The following ACYP2 variants were observed in gnomAD, a reference collection of about 807,000 sequenced individuals.
ACYP2 encodes acylphosphatase 2.
Under a neutral mutation model 11.2 loss-of-function variants are expected in ACYP2, and 12 were observed. The ratio of observed to expected loss-of-function variants is 1.08; its 90% CI spans 0.69 to 1.74. The LOEUF (loss-of-function observed/expected upper bound fraction) is 1.74. Ranked by LOEUF, ACYP2 falls within the 40% of genes most tolerant of loss-of-function variation. ACYP2 has a pLI of 0.00. For missense variants in ACYP2, 134 were observed against 101.9 expected (o/e 1.31, Z -1.35); for synonymous variants, 43 against 32.2 (o/e 1.33, Z -1.13).
At chr2:54,125,242 T>G (rs1680414560) in intron 4 of ACYP2, among the ~76,000 whole-genome samples, 1 of 151,664 alleles carries the variant, frequency 6.6e-6, no homozygotes, top group Non-Finnish European at 1.5e-5. Context: ...CATTTATTTT[T>G]AAAGTCTTGT....
intron 6 of ACYP2, among the ~76,000 whole-genome samples, chr2:54,252,505 T>C (rs965692686): frequency 2.6e-5 from 4 of 152,202 alleles, no homozygotes; most frequent in African/African-American, 9.7e-5. Context: ...ATAAACAGTA[T>C]ATGGGCCTTT....
intron 4 of ACYP2, among the ~76,000 whole-genome samples, chr2:54,107,349 A>C (rs945144151): frequency 3.9e-5 from 6 of 152,182 alleles, no homozygotes; most frequent in Non-Finnish European, 7.4e-5. Flanking sequence ...ATTTTTCAAC[A>C]GCTCTAAGCT....
At chr2:54,273,952 C>G (rs1329044186) in intron 6 of ACYP2, among the ~76,000 whole-genome samples, 1 of 152,204 alleles carries the variant, frequency 6.6e-6, no homozygotes, top group Non-Finnish European at 1.5e-5. Context: ...GTCTTCTGAG[C>G]TTCTCAAAAA....
In ACYP2 at chr2:54,304,826, C is replaced by T. The variant is rs965171639; in HGVS notation, c.*24C>T. On this transcript the variant is annotated 3_prime_UTR_variant, in exon 7 of 7. Coordinates refer to ENST00000607452, the MANE Select transcript of ACYP2 (RefSeq NM_001320586.2). ...AATAGAAGAGAAAAATTGTAACACA[C>T]TGAACAATAGATACTGTATGTTCTT... 1 of 1,320,528 alleles carries T rather than the reference C, an allele frequency of 7.6e-7. No individual in the cohort carries two copies. Among genetic ancestry groups the T allele is most frequent in the Non-Finnish European group, 1.1e-6 (1 of 921,056 alleles). 81.8% of individuals were successfully genotyped at this position (1,320,528 alleles called of 1,614,324 possible).
chr2:54,126,970 ATTG>A, intron 4 of ACYP2, among the ~76,000 whole-genome samples: 1 of 151,138 alleles, frequency 6.6e-6, no homozygotes, highest in South Asian at 2.1e-4. Flanking sequence ...AAAAAAAAAA[ATTG>A]ACATGCAAAA....
Position 54,227,576 on chromosome 2 carries a change from A to G in ACYP2, c.405-77112A>G, listed in dbSNP as rs184178730. On this transcript the variant is annotated intron_variant, in intron 6 of 6. Coordinates refer to ENST00000607452, the MANE Select transcript of ACYP2 (RefSeq NM_001320586.2). Reference sequence around the variant, plus strand: ...AATCGCTTGAACCTGGAAGGCCGAGACTGCGCCACTGCACTCCACCCTGGC... The same window carrying G: ...AATCGCTTGAACCTGGAAGGCCGAGGCTGCGCCACTGCACTCCACCCTGGC... Among the ~76,000 whole-genome samples, 345 of 151,908 alleles carry G rather than the reference A, an allele frequency of 2.3e-3. 2 individuals are homozygous for G. Among genetic ancestry groups the G allele is most frequent in the African/African-American group, 7.7e-3 (317 of 41,408 alleles).
intron 6 of ACYP2, among the ~76,000 whole-genome samples, chr2:54,198,947 G>A (rs1684635369): frequency 6.6e-6 from 1 of 152,138 alleles, no homozygotes; most frequent in Non-Finnish European, 1.5e-5. Flanking sequence ...TAAAAGATGG[G>A]CAAGGAAAAG....
At chr2:54,285,995 T>C (rs569864560) in intron 6 of ACYP2, among the ~76,000 whole-genome samples, 2 of 152,214 alleles carry the variant, frequency 1.3e-5, no homozygotes, top group African/African-American at 2.4e-5. Context: ...GGAATACAGA[T>C]GCTTCTTGAC....
intron 6 of ACYP2, among the ~76,000 whole-genome samples, chr2:54,181,965 C>G (rs2103870186): frequency 6.6e-6 from 1 of 151,768 alleles, no homozygotes; most frequent in African/African-American, 2.4e-5. Context: ...TTACAAAACC[C>G]TATATACTTA....
intron 6 of ACYP2, 49 bp from the exon 4 acceptor site, chr2:54,304,639 C>G (rs764858292): frequency 1.5e-6 from 2 of 1,366,524 alleles, no homozygotes; most frequent in Admixed American, 3.6e-5. Context: ...TTAGCTGATC[C>G]ATGTATACTT....
intron 2 of ACYP2, among the ~76,000 whole-genome samples, chr2:54,025,052 C>G (rs998779196): frequency 6.6e-6 from 1 of 152,092 alleles, no homozygotes; most frequent in Non-Finnish European, 1.5e-5. Context: ...GATGAAAGAC[C>G]TCTACAAGGA....
Position 54,009,496 on chromosome 2 carries a change from C to T in ACYP2, c.62+35686C>T, listed in dbSNP as rs189863322. 1.6e-3 allele frequency among the ~76,000 whole-genome samples: 236 copies of T among 152,030 alleles called. 1 individual carries two copies. The highest frequency in any genetic ancestry group is 5.2e-3 in the African/African-American group (217 of 41,464). Reference sequence around the variant, plus strand: ...GGCTGAGGCAAGAGAAGCACTTGTACCCAGGAGGTGGAGGTTGCAGTGAGC... The same window carrying T: ...GGCTGAGGCAAGAGAAGCACTTGTATCCAGGAGGTGGAGGTTGCAGTGAGC... On this transcript the variant is annotated intron_variant, in intron 2 of 6. Coordinates refer to ENST00000607452, the MANE Select transcript of ACYP2 (RefSeq NM_001320586.2).
rs562833159 is a variant in ACYP2, at chr2:54,135,726, C to T, written c.294+257C>T. On this transcript the variant is annotated intron_variant, in intron 5 of 6. Transcript: ENST00000607452. Reference sequence around the variant, plus strand: ...CTCTCTTTGGGTGATTTTAATGAAACGCTTTGATTAGGTGTATTGAATACA... The same window carrying T: ...CTCTCTTTGGGTGATTTTAATGAAATGCTTTGATTAGGTGTATTGAATACA... Among the ~76,000 whole-genome samples the T allele has an allele frequency of 7.9e-5, 12 of 152,184 alleles. No individual in the cohort carries two copies. The South Asian group carries it at 1.2e-3, about 16-fold the overall frequency.
chr2:54,257,150 G>A (rs548375259), intron 6 of ACYP2, among the ~76,000 whole-genome samples: 13 of 151,936 alleles, frequency 8.6e-5, no homozygotes, highest in Non-Finnish European at 1.5e-4. Context: ...GAGACGGGAG[G>A]ATCAGTTGAG....
chr2:54,195,992 TTC>T (rs1684462707), intron 6 of ACYP2, among the ~76,000 whole-genome samples: 1 of 151,866 alleles, frequency 6.6e-6, no homozygotes, highest in African/African-American at 2.4e-5. Context: ...GAGACAAGGT[TTC>T]AACATGTTGG....
intron 2 of ACYP2, among the ~76,000 whole-genome samples, chr2:53,988,442 C>T (rs1672129704): frequency 6.6e-6 from 1 of 151,918 alleles, no homozygotes; most frequent in Non-Finnish European, 1.5e-5. Context: ...GCTCTGTCAC[C>T]CAGGCTGGAG....
intron 4 of ACYP2, among the ~76,000 whole-genome samples, chr2:54,115,171 A>G (rs1679678105): frequency 6.6e-6 from 1 of 152,020 alleles, no homozygotes; most frequent in Non-Finnish European, 1.5e-5. Flanking sequence ...AATTGATGAG[A>G]GTAGATCTTA....
intron 6 of ACYP2, among the ~76,000 whole-genome samples, chr2:54,252,031 T>A (rs1402542338): frequency 1.3e-5 from 2 of 152,202 alleles, no homozygotes; most frequent in Non-Finnish European, 2.9e-5. Flanking sequence ...TGACCTAGCA[T>A]GTAAGGCTAA....
At chr2:54,211,410 G>A (rs905081396) in intron 6 of ACYP2, among the ~76,000 whole-genome samples, 6 of 152,172 alleles carry the variant, frequency 3.9e-5, no homozygotes, top group African/African-American at 1.4e-4. Flanking sequence ...TGCATTTTAT[G>A]TAAGTTTGAT....
Sources: gnomAD v4.1 joint callset for allele counts (sites outside exome capture counted in the v4.1 genomes callset) on GRCh38, gnomAD v4.1.1 for gene constraint, MANE v1.5 for transcripts, NCBI Gene and HGNC (gene_info 2026-07-23, HGNC 2026-07-21) for gene names.